Variants in SCUBE1 observed in about 807,000 individuals in gnomAD.
SCUBE1 encodes signal peptide, CUB domain and EGF like domain containing 1.
In SCUBE1, 59 loss-of-function variants were observed where a neutral mutation model predicts 124.4. That is an observed-to-expected ratio of 0.47 (90% CI 0.38 to 0.59). SCUBE1 has a LOEUF of 0.59. Ranked by LOEUF, SCUBE1 falls within the 20% of genes least tolerant of loss-of-function variation. The probability of loss-of-function intolerance (pLI) is 0.00; values close to 1 mark genes in which losing one functional copy is unlikely to be tolerated. For missense variants in SCUBE1, 1,150 were observed against 1,371.2 expected (o/e 0.84, Z 2.55); for synonymous variants, 545 against 550.9 (o/e 0.99, Z 0.15).
chr22:43,306,546 A>C (rs1452608573), intron 3 of SCUBE1, among the ~76,000 whole-genome samples: 1 of 152,150 alleles, frequency 6.6e-6, no homozygotes, highest in Non-Finnish European at 1.5e-5. Flanking sequence ...GGGATCACGA[A>C]CACACACTCC....
chr22:43,259,520 A>C (rs5751458), intron 5 of SCUBE1, among the ~76,000 whole-genome samples: 1 of 151,970 alleles, frequency 6.6e-6, no homozygotes, highest in Non-Finnish European at 1.5e-5. Flanking sequence ...ACTGGTGGCA[A>C]CTCCCAGAGA....
Position 43,300,744 on chromosome 22 carries a change from G to T in SCUBE1, c.350-9564C>A, listed in dbSNP as rs180932281. Among the ~76,000 whole-genome samples, 628 of 152,104 alleles carry T rather than the reference G, an allele frequency of 4.1e-3. 1 individual carries two copies. The highest frequency in any genetic ancestry group is 0.017 in the Middle Eastern group (5 of 294). ...TCAGGAGTTCAGTGCAGGTCAGTGG[G>T]GCCTGGGCTTCTCTCAGGCTCTTCC... On this transcript the variant is annotated intron_variant, in intron 3 of 21. Transcript: ENST00000360835.
At chr22:43,257,247 C>A (rs1170084840) in intron 6 of SCUBE1, among the ~76,000 whole-genome samples, 1 of 152,154 alleles carries the variant, frequency 6.6e-6, no homozygotes, top group Non-Finnish European at 1.5e-5. Context: ...TGCTGACCAA[C>A]CCTGTCCTGT....
At chr22:43,208,748 G>A (rs112989250) in intron 19 of SCUBE1, among the ~76,000 whole-genome samples, 74 of 152,324 alleles carry the variant, frequency 4.9e-4, no homozygotes, top group Non-Finnish European at 8.8e-4. Flanking sequence ...TCCCGAGGAG[G>A]AAATCAGGAG....
chr22:43,296,436 T>C (rs188028165), intron 3 of SCUBE1, among the ~76,000 whole-genome samples: 8 of 152,302 alleles, frequency 5.3e-5, no homozygotes, highest in Admixed American at 5.2e-4. Flanking sequence ...TGGTCCTTCA[T>C]CTTTATTTAT....
chr22:43,273,218 C>G (rs1394091378), intron 4 of SCUBE1, among the ~76,000 whole-genome samples: 4 of 152,222 alleles, frequency 2.6e-5, no homozygotes, highest in African/African-American at 9.6e-5. Context: ...TGGAGACAGA[C>G]AGAGCTGGGA....
At chr22:43,328,694 C>T (rs1926807126) in intron 2 of SCUBE1, among the ~76,000 whole-genome samples, 1 of 152,178 alleles carries the variant, frequency 6.6e-6, no homozygotes, top group Non-Finnish European at 1.5e-5. Flanking sequence ...CGGGATCCAG[C>T]AGTGGGCAGG....
At chr22:43,321,050 G>A (rs192928737) in intron 2 of SCUBE1, among the ~76,000 whole-genome samples, 28 of 152,318 alleles carry the variant, frequency 1.8e-4, no homozygotes, top group Admixed American at 1.2e-3. Flanking sequence ...CAGAGGCTCC[G>A]AGACACGATG....
In SCUBE1 at chr22:43,218,240, T is replaced by G; in HGVS notation, c.1891+15A>C. 6.2e-7 allele frequency: 1 copy of G among 1,611,786 alleles called. No homozygotes were observed. The highest frequency in any genetic ancestry group is 8.5e-7 in the Non-Finnish European group (1 of 1,179,298). On this transcript the variant is annotated intron_variant, in intron 15 of 21. Coordinates refer to ENST00000360835, the MANE Select transcript of SCUBE1 (RefSeq NM_173050.5). The stretch of plus-strand genomic sequence containing the variant: ...GACAGAGTCAGCATCTGAGTGGCCA[T>G]GGGCAAGGACTCACCGCATTTGCTG...
At chr22:43,304,238 T>G (rs1424957929) in intron 3 of SCUBE1, among the ~76,000 whole-genome samples, 1 of 152,236 alleles carries the variant, frequency 6.6e-6, no homozygotes, top group Non-Finnish European at 1.5e-5. Flanking sequence ...TGCCACCGTC[T>G]TTTCTATTGG....
chr22:43,212,367 G>T, intron 17 of SCUBE1, 58 bp downstream of exon 17: 2 of 1,513,654 alleles, frequency 1.3e-6, no homozygotes, highest in South Asian at 2.5e-5. Flanking sequence ...GAAGCCTCTC[G>T]GAGCAGTGCA....
chr22:43,303,150 G>A lies in SCUBE1; in HGVS notation c.350-11970C>T, dbSNP rs62232129. Among the ~76,000 whole-genome samples the A allele has an allele frequency of 6.7e-3, 1,020 of 152,352 alleles. 9 individuals are homozygous for A. Among genetic ancestry groups the A allele is most frequent in the Non-Finnish European group, 8.1e-3 (549 of 68,026 alleles). ...AACCTTCAGGGACTAATTCTTTCCCGTGGAAGTCCGCATTTTCTTCCACCC... is the reference window on the plus strand; with the variant it reads ...AACCTTCAGGGACTAATTCTTTCCCATGGAAGTCCGCATTTTCTTCCACCC... On this transcript the variant is annotated intron_variant, in intron 3 of 21. Transcript: ENST00000360835.
chr22:43,223,135 C>G lies in SCUBE1; in HGVS notation c.1289G>C (p.Cys430Ser). 6.4e-7 allele frequency: 1 copy of G among 1,556,084 alleles called. No homozygotes were observed. The highest frequency in any genetic ancestry group is 2.4e-5 in the East Asian group (1 of 41,892). ...SCSKAGGVES[C>S]FLSCPAHTLF... ...TGTGTGAGCCGGGCAGGAAAGGAAG[C>G]AGCTCTCCACACCGCCTGCCTTGCT... The change falls in exon 11 of 22, where the codon TGC becomes TCC. Residue 430 changes from cysteine to serine, a missense_variant. By Grantham distance (112) the Cys-to-Ser change is moderately radical (BLOSUM62 -1). Around this residue, in one of 3 missense-constraint regions of SCUBE1, gnomAD observed 757 missense variants for 840.9 expected, o/e 0.90. Transcript: ENST00000360835.
chr22:43,343,322 C>T lies in SCUBE1; in HGVS notation c.-61G>A. 1.2e-6 allele frequency: 1 copy of T among 854,888 alleles called. No homozygotes were observed. The highest frequency in any genetic ancestry group is 1.4e-6 in the Non-Finnish European group (1 of 693,566). The allele number at this position is 854,888 out of a possible 1,614,324, so 53.0% of individuals were successfully genotyped here. A position where few individuals can be genotyped will look rare whatever the true frequency, so the allele number is the denominator to read the frequency against. On this transcript the variant is annotated 5_prime_UTR_variant, in exon 1 of 22. Transcript: ENST00000360835. ...GGGGCGCGGGGACCCGACCGACCGG[C>T]CGCTCCCGCAGGCGCTGCTCGCTGC...
At position 43,293,936 on chromosome 22, in the gene SCUBE1, A is replaced by C. The variant is rs540381547; in HGVS notation, c.350-2756T>G. Reference sequence around the variant, plus strand: ...GGCCTGGCCACTCCTCACCTCACTGAAAGCTTGAAGCAAAGGGCGGTTGAC... The same window carrying C: ...GGCCTGGCCACTCCTCACCTCACTGCAAGCTTGAAGCAAAGGGCGGTTGAC... On this transcript the variant is annotated intron_variant, in intron 3 of 21. Transcript: ENST00000360835. Among the ~76,000 whole-genome samples the C allele has an allele frequency of 2.0e-5, 3 of 152,324 alleles. No individual in the cohort carries two copies. In the South Asian group the frequency reaches 6.2e-4, roughly 32 times the overall value.
intron 10 of SCUBE1, among the ~76,000 whole-genome samples, chr22:43,223,917 A>T (rs1922203304): frequency 1.3e-5 from 2 of 152,104 alleles, no homozygotes; most frequent in South Asian, 4.1e-4. Flanking sequence ...CCCTTCTGTA[A>T]CCCACACAGG....
chr22:43,246,063 G>A (rs189960537), intron 6 of SCUBE1, among the ~76,000 whole-genome samples: 95 of 152,272 alleles, frequency 6.2e-4, no homozygotes, highest in Middle Eastern at 3.4e-3. Flanking sequence ...GCCCACCCAG[G>A]AGCAAGACAA....
chr22:43,272,900 C>T (rs946888696), intron 4 of SCUBE1, among the ~76,000 whole-genome samples: 3 of 152,244 alleles, frequency 2.0e-5, no homozygotes, highest in Non-Finnish European at 2.9e-5. Flanking sequence ...TCCTGGGTCA[C>T]GCGGCTGTGA....
chr22:43,274,709 G>A (rs367900361), intron 4 of SCUBE1, among the ~76,000 whole-genome samples: 5 of 152,174 alleles, frequency 3.3e-5, no homozygotes, highest in South Asian at 4.1e-4. Context: ...TGTGAGCAGC[G>A]TCCCCGAGCC....
Sources: allele counts gnomAD v4.1 joint callset (sites outside exome capture counted in the v4.1 genomes callset), GRCh38; gene constraint gnomAD v4.1.1; regional missense constraint gnomAD v4.1.1; transcripts MANE v1.5; gene names NCBI Gene and HGNC (gene_info 2026-07-23, HGNC 2026-07-21).